The following ITPKB variants were observed in gnomAD, a reference collection of about 807,000 sequenced individuals.
ITPKB encodes the protein IP3 3-kinase B.
Under a neutral mutation model 69.4 loss-of-function variants are expected in ITPKB, and 13 were observed. The ratio of observed to expected loss-of-function variants is 0.19; its 90% CI spans 0.12 to 0.30. The LOEUF (loss-of-function observed/expected upper bound fraction) is 0.30, where lower values mean the gene tolerates loss of function less well. ITPKB is among the 10% of genes least tolerant of loss of function. The pLI is 1.00. For synonymous variants in ITPKB, 584 were observed against 513.7 expected, an observed-to-expected ratio of 1.14 and a Z score of -1.85; for missense variants, 1,240 against 1,250.5, an observed-to-expected ratio of 0.99 and a Z score of 0.13.
intron 2 of ITPKB, among the ~76,000 whole-genome samples, chr1:226,689,811 C>T (rs1322242595): frequency 6.6e-6 from 1 of 152,136 alleles, no homozygotes; most frequent in Non-Finnish European, 1.5e-5. Flanking sequence ...TGTTGTTCCC[C>T]TCTATGTGTC....
rs1668864852 is a variant in ITPKB at position 226,637,617 on chromosome 1, AAGG to A, written c.2625+59_2625+61del. ...CGATGCCCCGGGCTTCTGGAAGGAG[AAGG>A]AGAAGGCCTGTTGGCACGCGCAGCA... On this transcript the variant is annotated intron_variant, in intron 7 of 7. Coordinates refer to ENST00000429204, the MANE Select transcript of ITPKB (RefSeq NM_002221.4). This position sits in a 1 kb window ranked among gnomAD's most constrained non-coding sequence, Gnocchi z 4.3. 5 of 1,331,296 alleles carry A rather than the reference AAGG, an allele frequency of 3.8e-6. No homozygotes were observed. Among genetic ancestry groups the A allele is most frequent in the Non-Finnish European group, 4.3e-6 (4 of 927,758 alleles). The allele number at this position is 1,331,296 out of a possible 1,614,324, so 82.5% of individuals were successfully genotyped here. A position where few individuals can be genotyped will look rare whatever the true frequency, so the allele number is the denominator to read the frequency against.
intron 2 of ITPKB, among the ~76,000 whole-genome samples, chr1:226,711,536 T>C (rs754652330): frequency 4.6e-5 from 7 of 152,010 alleles, no homozygotes; most frequent in Admixed American, 6.6e-5. Flanking sequence ...TGACCTTCAG[T>C]GTGCTGGACA....
At chr1:226,706,016 C>CCTCT (rs1354153349) in intron 2 of ITPKB, among the ~76,000 whole-genome samples, 3 of 152,284 alleles carry the variant, frequency 2.0e-5, no homozygotes, top group Non-Finnish European at 2.9e-5. Context: ...TTCCAAGCTG[C>CCTCT]TAAAGGGCTG....
intron 2 of ITPKB, among the ~76,000 whole-genome samples, chr1:226,706,343 C>T (rs1020539920): frequency 3.3e-5 from 5 of 152,352 alleles, no homozygotes; most frequent in Admixed American, 3.3e-4. Context: ...AAGAGACTCC[C>T]TTTTATCCAT....
chr1:226,736,083 G>A lies in ITPKB; in HGVS notation c.1376C>T (p.Ala459Val), dbSNP rs1657746195. The A allele has an allele frequency of 1.2e-6, 2 of 1,610,840 alleles. No homozygotes were observed. The highest frequency in any genetic ancestry group is 3.3e-4 in the Middle Eastern group (2 of 6,050). The change falls in exon 2 of 8, where the codon GCA (alanine) becomes GTA (valine). Residue 459 changes from alanine (A) to valine (V), a missense_variant. Around this residue, in one of 2 missense-constraint regions of ITPKB, gnomAD observed 992 missense variants for 853.8 expected, o/e 1.16. Coordinates refer to ENST00000429204, the MANE Select transcript of ITPKB (RefSeq NM_002221.4). ...CTCCACATTCCCGGTCCCCGGCTGT[G>A]CTGAGGGGCTGCCCCCAAGCAAGCC... ...TLGLLGGSPS[A>V]QPGTGNVEAG...
chr1:226,673,459 G>A (rs897107000), intron 2 of ITPKB, among the ~76,000 whole-genome samples: 1 of 152,160 alleles, frequency 6.6e-6, no homozygotes, highest in Non-Finnish European at 1.5e-5. Context: ...ATTTACGGAA[G>A]GCTAACACAA....
At chr1:226,681,173 G>A (rs1317640483) in intron 2 of ITPKB, among the ~76,000 whole-genome samples, 1 of 152,156 alleles carries the variant, frequency 6.6e-6, no homozygotes, top group African/African-American at 2.4e-5. Context: ...CTAACGTGGG[G>A]TGCTTCTCAG....
chr1:226,680,408 C>T (rs1656053884), intron 2 of ITPKB, among the ~76,000 whole-genome samples: 1 of 152,212 alleles, frequency 6.6e-6, no homozygotes, highest in Non-Finnish European at 1.5e-5. Context: ...ATCCCAGAAC[C>T]AGCAGGAGGC....
At position 226,736,428 on chromosome 1, in the gene ITPKB, T is replaced by C; in HGVS notation, c.1031A>G (p.Glu344Gly). The change falls in exon 2 of 8, where the codon GAG (glutamate) becomes GGG (glycine). Residue 344 changes from glutamate (E) to glycine (G), a missense_variant. By Grantham distance (98) the Glu-to-Gly change is moderately conservative. Transcript: ENST00000429204. ...EDLQPPEALV[E>G]RQGQFLGSET... ...ACTGCCCAGAAACTGCCCCTGCCTCTCCACCAGGGCCTCTGGGGGCTGCAG... is the reference window on the plus strand; with the variant it reads ...ACTGCCCAGAAACTGCCCCTGCCTCCCCACCAGGGCCTCTGGGGGCTGCAG... The C allele has an allele frequency of 6.2e-7, 1 of 1,613,102 alleles. No individual in the cohort carries two copies. The highest frequency in any genetic ancestry group is 8.5e-7 in the Non-Finnish European group (1 of 1,179,966).
At chr1:226,638,129 C>T (rs959401846) in intron 6 of ITPKB, among the ~76,000 whole-genome samples, 2 of 152,228 alleles carry the variant, frequency 1.3e-5, no homozygotes, top group African/African-American at 4.8e-5. Context: ...CAGAGTTCCT[C>T]AATGCCTGCT....
At chr1:226,672,250 C>T (rs1034766050) in intron 2 of ITPKB, among the ~76,000 whole-genome samples, 7 of 152,156 alleles carry the variant, frequency 4.6e-5, no homozygotes, top group Admixed American at 1.3e-4. Context: ...TCTCACTCCC[C>T]GCCTGAGCTA....
chr1:226,716,003 G>T (rs973083957), intron 2 of ITPKB, among the ~76,000 whole-genome samples: 1 of 152,086 alleles, frequency 6.6e-6, no homozygotes, highest in South Asian at 2.1e-4. Flanking sequence ...TAGAGATGAG[G>T]TTTTGCCAAG....
chr1:226,692,455 A>G (rs1187340577), intron 2 of ITPKB, among the ~76,000 whole-genome samples: 3 of 152,212 alleles, frequency 2.0e-5, no homozygotes, highest in South Asian at 2.1e-4. Flanking sequence ...ATAGATAGGA[A>G]AGTGGAAATT....
intron 2 of ITPKB, among the ~76,000 whole-genome samples, chr1:226,728,672 A>G (rs540845813): frequency 1.3e-5 from 2 of 152,346 alleles, no homozygotes; most frequent in South Asian, 4.1e-4. Flanking sequence ...GAACAAAAGG[A>G]AACCACTACT....
intron 2 of ITPKB, among the ~76,000 whole-genome samples, chr1:226,716,792 G>A (rs1259934545): frequency 6.6e-6 from 1 of 152,196 alleles, no homozygotes; most frequent in Non-Finnish European, 1.5e-5. Flanking sequence ...GGGACTGGGT[G>A]GAAAGCCTGT....
intron 6 of ITPKB, among the ~76,000 whole-genome samples, chr1:226,638,274 C>T (rs1668880842): frequency 6.6e-6 from 1 of 152,240 alleles, no homozygotes. Context: ...CTGCAAGGGA[C>T]TCAGGAATTG....
chr1:226,715,362 C>T (rs949505393), intron 2 of ITPKB, among the ~76,000 whole-genome samples: 1 of 152,262 alleles, frequency 6.6e-6, no homozygotes, highest in Non-Finnish European at 1.5e-5. Context: ...TGCGTGCATT[C>T]TCTTTAGCAA....
intron 2 of ITPKB, among the ~76,000 whole-genome samples, chr1:226,670,037 G>A (rs1184953396): frequency 6.6e-6 from 1 of 151,262 alleles, no homozygotes; most frequent in East Asian, 1.9e-4. Flanking sequence ...ACCATGCCTG[G>A]CTAATTTTTG....
intron 3 of ITPKB, among the ~76,000 whole-genome samples, chr1:226,648,438 G>GGGGAGGATGCATGTTT (rs1669106146): frequency 9.6e-6 from 1 of 103,950 alleles, no homozygotes; most frequent in Non-Finnish European, 1.9e-5. Flanking sequence ...GACCGAGGGA[G>GGGGAGGATGCATGTTT]GGGAGGATGC....
Sources: allele counts gnomAD v4.1 joint callset (sites outside exome capture counted in the v4.1 genomes callset), GRCh38; gene constraint gnomAD v4.1.1; regional missense constraint gnomAD v4.1.1; non-coding constraint Gnocchi (gnomAD v3.1); transcripts MANE v1.5; gene names NCBI Gene and HGNC (gene_info 2026-07-23, HGNC 2026-07-21).